The following CNOT6L variants were observed in gnomAD, a reference collection of about 807,000 sequenced individuals.
CNOT6L encodes the protein CCR4-NOT transcription complex subunit 6 like.
In CNOT6L, 7 loss-of-function variants were observed where a neutral mutation model predicts 64.0. That is an observed-to-expected ratio of 0.11 (90% CI 0.06 to 0.21). The LOEUF is 0.21. Among genes scored for constraint, CNOT6L ranks in the 10% least tolerant of loss-of-function variants. The probability of loss-of-function intolerance (pLI) is 1.00; values close to 1 mark genes in which losing one functional copy is unlikely to be tolerated. For missense variants in CNOT6L, 245 were observed against 669.0 expected (o/e 0.37, Z 6.99); for synonymous variants, 193 against 243.4 (o/e 0.79, Z 1.93).
chr4:77,714,594 G>C lies in CNOT6L; in HGVS notation c.*5837C>G, dbSNP rs1483813540. On this transcript the variant is annotated 3_prime_UTR_variant, in exon 12 of 12. Transcript: ENST00000504123. Reference sequence around the variant, plus strand: ...ATCTCAGCTTCTCCAAGATGAAAAAGTTGTTTGCATTTGGACAACAACTGT... The same window carrying C: ...ATCTCAGCTTCTCCAAGATGAAAAACTTGTTTGCATTTGGACAACAACTGT... 6.6e-6 allele frequency: 1 copy of C among 152,352 alleles called. No individual in the cohort carries two copies. Among genetic ancestry groups the C allele is most frequent in the Non-Finnish European group, 1.5e-5 (1 of 67,994 alleles). The allele number at this position is 152,352 out of a possible 1,614,324, so 9.4% of individuals were successfully genotyped here.
At chr4:77,753,901 TA>T (rs35875677) in intron 5 of CNOT6L, among the ~76,000 whole-genome samples, 74,554 of 138,380 alleles carry the variant, frequency 0.54, 19,943 homozygotes, top group Admixed American at 0.55. Flanking sequence ...CTACTCATGT[TA>T]AAAAAAAAAA....
chr4:77,762,792 G>A (rs1381338175), intron 4 of CNOT6L, among the ~76,000 whole-genome samples: 1 of 152,114 alleles, frequency 6.6e-6, no homozygotes, highest in Non-Finnish European at 1.5e-5. Flanking sequence ...AGGGCTGAGA[G>A]AAGAAGGTAT....
chr4:77,818,962 A>G (rs1369950252), intron 1 of CNOT6L: 4 of 660,646 alleles, frequency 6.1e-6, no homozygotes, highest in South Asian at 4.6e-5. Context: ...GCCCCCTAGG[A>G]GCAGCTCTCA....
At chr4:77,736,102 A>G (rs1459795673) in intron 8 of CNOT6L, among the ~76,000 whole-genome samples, 4 of 152,144 alleles carry the variant, frequency 2.6e-5, no homozygotes, top group Admixed American at 2.6e-4. Flanking sequence ...AAGTCCAGAA[A>G]AGCAAAACTA....
intron 5 of CNOT6L, among the ~76,000 whole-genome samples, chr4:77,750,693 G>A (rs1391337767): frequency 6.6e-6 from 1 of 152,116 alleles, no homozygotes; most frequent in African/African-American, 2.4e-5. Context: ...ATGGCCAAAT[G>A]ATATCACCAA....
At chr4:77,820,240 T>C (rs1204751255), upstream of CNOT6L, among the ~76,000 whole-genome samples, 4 of 151,366 alleles carry the variant, frequency 2.6e-5, no homozygotes, top group East Asian at 2.0e-4. Context: ...ACGAGGAGGG[T>C]TGATTGACGT....
chr4:77,761,570 T>C (rs1260616425), intron 4 of CNOT6L, among the ~76,000 whole-genome samples: 1 of 152,200 alleles, frequency 6.6e-6, no homozygotes, highest in Non-Finnish European at 1.5e-5. Context: ...TATTTGTCCA[T>C]ATTCAACTTG....
In CNOT6L at chr4:77,717,544, A is replaced by G. The variant is rs1560566445; in HGVS notation, c.*2887T>C. On this transcript the variant is annotated 3_prime_UTR_variant, in exon 12 of 12. Transcript: ENST00000504123. Reference sequence around the variant, plus strand: ...AGCCCAATGGCATAAAGCTTAACTCATTCTGATAACTAGAAAGTATATGAG... The same window carrying G: ...AGCCCAATGGCATAAAGCTTAACTCGTTCTGATAACTAGAAAGTATATGAG... 1.3e-5 allele frequency: 2 copies of G among 152,396 alleles called. No homozygotes were observed. Among genetic ancestry groups the G allele is most frequent in the Non-Finnish European group, 2.9e-5 (2 of 68,022 alleles). The allele number at this position is 152,396 out of a possible 1,614,324, so 9.4% of individuals were successfully genotyped here.
intron 1 of CNOT6L, among the ~76,000 whole-genome samples, chr4:77,813,442 G>A (rs967857142): frequency 3.9e-5 from 6 of 152,042 alleles, no homozygotes; most frequent in South Asian, 2.1e-4. Context: ...AGCTAAAAAC[G>A]TTTGTGCCTC....
intron 4 of CNOT6L, among the ~76,000 whole-genome samples, chr4:77,763,896 TATA>T (rs1414972033): frequency 6.6e-6 from 1 of 152,196 alleles, no homozygotes; most frequent in Non-Finnish European, 1.5e-5. Flanking sequence ...TCAAGGAAGA[TATA>T]ATAACCCATA....
At chr4:77,725,524 C>T (rs1721752410) in intron 11 of CNOT6L, among the ~76,000 whole-genome samples, 2 of 152,180 alleles carry the variant, frequency 1.3e-5, no homozygotes, top group South Asian at 2.1e-4. Flanking sequence ...TAAAGAATAG[C>T]TGGTCCTGTA....
At chr4:77,787,645 C>A (rs1301628379) in intron 1 of CNOT6L, among the ~76,000 whole-genome samples, 3 of 152,056 alleles carry the variant, frequency 2.0e-5, no homozygotes, top group Admixed American at 6.5e-5. Context: ...TTCCTTGAAA[C>A]TCAGAGAATC....
intron 1 of CNOT6L, among the ~76,000 whole-genome samples, chr4:77,799,202 A>G (rs1449526830): frequency 1.3e-5 from 2 of 152,030 alleles, no homozygotes; most frequent in Non-Finnish European, 2.9e-5. Context: ...CCAAGGTGAG[A>G]GGATTGTTTC....
chr4:77,767,848 G>A (rs1201909443), intron 4 of CNOT6L, among the ~76,000 whole-genome samples: 5 of 151,586 alleles, frequency 3.3e-5, no homozygotes, highest in Admixed American at 1.3e-4. Context: ...GCATGGTGGC[G>A]GGAGCCTGTA....
chr4:77,800,226 G>T (rs1287583799), intron 1 of CNOT6L, among the ~76,000 whole-genome samples: 1 of 152,094 alleles, frequency 6.6e-6, no homozygotes, highest in African/African-American at 2.4e-5. Flanking sequence ...CAAAGGCCAG[G>T]TATTATGGCT....
chr4:77,807,765 T>C (rs767285377), intron 1 of CNOT6L, among the ~76,000 whole-genome samples: 14 of 152,182 alleles, frequency 9.2e-5, no homozygotes, highest in Non-Finnish European at 1.2e-4. Context: ...GCATCTTATT[T>C]AAAAGTAATA....
intron 1 of CNOT6L, among the ~76,000 whole-genome samples, chr4:77,805,789 G>A (rs6533270): frequency 0.86 from 131,289 of 152,190 alleles, 56,873 homozygotes; most frequent in Non-Finnish European, 0.9. Flanking sequence ...CCAGACTGAA[G>A]AAAGGTCCAC....
intron 8 of CNOT6L, among the ~76,000 whole-genome samples, chr4:77,740,227 T>C (rs957991739): frequency 6.6e-6 from 1 of 151,946 alleles, no homozygotes; most frequent in African/African-American, 2.4e-5. Context: ...AAAAATTAGT[T>C]AGGTGTGGTG....
intron 8 of CNOT6L, among the ~76,000 whole-genome samples, chr4:77,732,057 A>G (rs1327164245): frequency 6.6e-6 from 1 of 152,120 alleles, no homozygotes; most frequent in Admixed American, 6.6e-5. Context: ...CCACATCAAG[A>G]TATTTGTCAA....
Sources: gnomAD v4.1 joint callset for allele counts (sites outside exome capture counted in the v4.1 genomes callset) on GRCh38, gnomAD v4.1.1 for gene constraint, MANE v1.5 for transcripts, NCBI Gene and HGNC (gene_info 2026-07-23, HGNC 2026-07-21) for gene names.